TM6SF1: variants seen among roughly 807,000 people sequenced by gnomAD.
The protein encoded by TM6SF1 is transmembrane 6 superfamily member 1.
Under a neutral mutation model 47.1 loss-of-function variants are expected in TM6SF1, and 43 were observed. The ratio of observed to expected loss-of-function variants is 0.91; its 90% confidence interval spans 0.72 to 1.18. TM6SF1 has a LOEUF of 1.18. TM6SF1 is among the 50% of genes most tolerant of loss of function. The pLI is 0.00. For synonymous variants in TM6SF1, 177 were observed against 166.3 expected (o/e 1.06, Z -0.49); for missense variants, 390 against 449.0 (o/e 0.87, Z 1.19).
At chr15:83,129,536 C>T (rs761907920) in intron 9 of TM6SF1, 3 of 152,150 alleles carry the variant, frequency 2.0e-5, no homozygotes, top group African/African-American at 4.8e-5. Context: ...CTCAGTCCAC[C>T]TGAAATTATT....
intron 9 of TM6SF1, chr15:83,129,345 T>C (rs913770601): frequency 6.6e-6 from 1 of 152,234 alleles, no homozygotes; most frequent in African/African-American, 2.4e-5. Context: ...TAATTCTTTT[T>C]TATGCAAAGA....
At chr15:83,110,292 C>A (rs969013787) in intron 1 of TM6SF1, among the ~76,000 whole-genome samples, 3 of 152,082 alleles carry the variant, frequency 2.0e-5, no homozygotes, top group Non-Finnish European at 4.4e-5. Context: ...TTCCCACCCC[C>A]CAAGACTAGC....
chr15:83,122,766 G>C lies in TM6SF1; in HGVS notation c.491G>C (p.Gly164Ala). ...FVPGNIVGKYGTRICPAFFLS... is the reference protein window; with the variant it reads ...FVPGNIVGKYATRICPAFFLS... Reference sequence around the variant, plus strand: ...TCTCTCTTTTAAATAGGGAAGTATGGAACACGAATTTGCCCTGCTTTTTTC... The same window carrying C: ...TCTCTCTTTTAAATAGGGAAGTATGCAACACGAATTTGCCCTGCTTTTTTC... Residue 164 changes from glycine (G) to alanine (A), a missense_variant, in exon 6 of 10, where the codon GGA (glycine) becomes GCA (alanine). Transcript: ENST00000322019. The C allele has an allele frequency of 6.2e-7, 1 of 1,613,792 alleles. No homozygotes were observed.
chr15:83,124,540 G>A, intron 6 of TM6SF1, 132 bp from the exon 7 acceptor site: 1 of 660,464 alleles, frequency 1.5e-6, no homozygotes. Flanking sequence ...AAAGTTCCAT[G>A]GCCAGTGATT....
chr15:83,135,419 CTT>C (rs2151388877), intron 9 of TM6SF1: 1 of 152,288 alleles, frequency 6.6e-6, no homozygotes, highest in Admixed American at 6.5e-5. Flanking sequence ...TCTTTTGTCT[CTT>C]TGATCCTGAT....
intron 9 of TM6SF1, chr15:83,133,064 C>T (rs550451644): frequency 1.3e-5 from 2 of 152,210 alleles, no homozygotes; most frequent in African/African-American, 2.4e-5. Context: ...ACAAACATCA[C>T]CTCACTGAAC....
intron 7 of TM6SF1, among the ~76,000 whole-genome samples, chr15:83,125,444 C>A (rs1015752427): frequency 6.6e-6 from 1 of 152,180 alleles, no homozygotes; most frequent in Non-Finnish European, 1.5e-5. Flanking sequence ...AACTACTTAA[C>A]CTCTTGGACT....
chr15:83,136,463 T>C lies in TM6SF1; in HGVS notation c.922-18T>C. On this transcript the variant is annotated intron_variant, in intron 9 of 9. Transcript: ENST00000322019. The stretch of plus-strand genomic sequence containing the variant: ...CACGTTTCATGCTTACTCAATTTTT[T>C]TTTTTTAAATGCAACAGGCTCAGTT... 1.3e-6 allele frequency: 2 copies of C among 1,566,616 alleles called. No individual in the cohort carries two copies. The highest frequency in any genetic ancestry group is 1.7e-6 in the Non-Finnish European group (2 of 1,162,876).
intron 4 of TM6SF1, among the ~76,000 whole-genome samples, chr15:83,121,346 T>G (rs1247515680): frequency 6.6e-6 from 1 of 151,756 alleles, no homozygotes; most frequent in African/African-American, 2.4e-5. Flanking sequence ...CTTCTCAAAG[T>G]GCTGGGATTA....
At position 83,115,777 on chromosome 15, in the gene TM6SF1, T is replaced by A. The variant is rs1243295824; in HGVS notation, c.197-68T>A. On this transcript the variant is annotated intron_variant, in intron 2 of 9. Coordinates refer to ENST00000322019, the MANE Select transcript of TM6SF1 (RefSeq NM_023003.5). ...TGAAAAACATTCCATTATTATTAGC[T>A]GATGCCAAGCTTGTAGTAATTGTCT... is the stretch of plus-strand genomic sequence containing the variant. 5 of 1,024,872 alleles carry A rather than the reference T, an allele frequency of 4.9e-6. No homozygotes were observed. The African/African-American group carries it at 7.8e-5, about 16-fold the overall frequency. 63.5% of individuals were successfully genotyped at this position (1,024,872 alleles called of 1,614,324 possible). A position where few individuals can be genotyped will look rare whatever the true frequency, so the allele number is the denominator to read the frequency against.
rs1567162314 is a variant in TM6SF1, at chr15:83,136,623, A to G, written c.1064A>G (p.Tyr355Cys). The change falls in exon 10 of 10, where the codon TAC becomes TGC. Residue 355 changes from tyrosine (Y) to cysteine (C), a missense_variant. Coordinates refer to ENST00000322019, the MANE Select transcript of TM6SF1 (RefSeq NM_023003.5). ...CAGCTCTTGGCCTATCGTTGTATCT[A>G]CAAACCAGAGTTCTTCATAAAAACA... ...LPQLLAYRCI[Y>C]KPEFFIKTKA... 2 of 1,610,886 alleles carry G rather than the reference A, an allele frequency of 1.2e-6. No homozygotes were observed. The highest frequency in any genetic ancestry group is 1.7e-6 in the Non-Finnish European group (2 of 1,179,234).
intron 4 of TM6SF1, 53 bp downstream of exon 4, chr15:83,119,734 G>A: frequency 1.2e-6 from 2 of 1,610,444 alleles, no homozygotes; most frequent in East Asian, 2.2e-5. Context: ...CCGATAAGCG[G>A]GTATGTAAGG....
chr15:83,107,922 A>C lies in TM6SF1; in HGVS notation c.92+150A>C, dbSNP rs536362928. On this transcript the variant is annotated intron_variant, in intron 1 of 9. Transcript: ENST00000322019. The surrounding 1 kb of genome is among the most constrained non-coding windows in gnomAD (Gnocchi z 5.6). ...GCAGGGGCTCCCCGCGCCTGGCCAGACTAGGGGGGCGCCCCAGGGGTCGCA... is the reference window on the plus strand; with the variant it reads ...GCAGGGGCTCCCCGCGCCTGGCCAGCCTAGGGGGGCGCCCCAGGGGTCGCA... 1 of 1,290,572 alleles carries C rather than the reference A, an allele frequency of 7.7e-7. No homozygotes were observed. The highest frequency in any genetic ancestry group is 1.6e-5 in the African/African-American group (1 of 64,064). 79.9% of individuals were successfully genotyped at this position (1,290,572 alleles called of 1,614,324 possible). A position where few individuals can be genotyped will look rare whatever the true frequency, so the allele number is the denominator to read the frequency against.
Position 83,112,855 on chromosome 15 carries a change from C to T in TM6SF1, c.151C>T (p.Arg51Cys), listed in dbSNP as rs149678759. The T allele has an allele frequency of 9.9e-5, 160 of 1,614,128 alleles. No individual in the cohort carries two copies. The African/African-American group carries it at 1.8e-3, about 18-fold the overall frequency. The change falls in exon 2 of 10, where the codon CGT (arginine) becomes TGT (cysteine). Residue 51 changes from arginine to cysteine, a missense_variant. By Grantham distance (180) the Arg-to-Cys change is radical. Transcript: ENST00000322019. ...LILFLVALLA[R>C]VLVKRKPPRD... Reference sequence around the variant, plus strand: ...CCTGTTCCTGGTAGCACTGCTGGCTCGTGTCCTCGTCAAAAGAAAACCACC... The same window carrying T: ...CCTGTTCCTGGTAGCACTGCTGGCTTGTGTCCTCGTCAAAAGAAAACCACC...
intron 5 of TM6SF1, 146 bp downstream of exon 5, chr15:83,122,149 C>T (rs1352787631): frequency 2.8e-6 from 2 of 722,200 alleles, no homozygotes; most frequent in Non-Finnish European, 4.6e-6. Flanking sequence ...CTTTTTCTCA[C>T]CTTTAAAAAA....
rs769614975 is a variant in TM6SF1 at position 83,136,471 on chromosome 15, A to G, written c.922-10A>G. 1.9e-6 allele frequency: 3 copies of G among 1,567,218 alleles called. No individual in the cohort carries two copies. The highest frequency in any genetic ancestry group is 4.5e-5 in the East Asian group (2 of 44,486). ...ATGCTTACTCAATTTTTTTTTTTTA[A>G]ATGCAACAGGCTCAGTTTTCTCACA... On this transcript the variant is annotated splice_polypyrimidine_tract_variant and intron_variant, in intron 9 of 9. Coordinates refer to ENST00000322019, the MANE Select transcript of TM6SF1 (RefSeq NM_023003.5).
chr15:83,115,381 G>C (rs1041937338), intron 2 of TM6SF1: 1 of 305,636 alleles, frequency 3.3e-6, no homozygotes, highest in African/African-American at 2.2e-5. Context: ...GCCTCCCAAA[G>C]TGCTGGGATT....
chr15:83,116,642 G>A (rs2034684797), intron 3 of TM6SF1, among the ~76,000 whole-genome samples: 1 of 152,224 alleles, frequency 6.6e-6, no homozygotes, highest in Admixed American at 6.5e-5. Flanking sequence ...GGAAGGATGG[G>A]CTTGCAGGGA....
intron 9 of TM6SF1, chr15:83,129,536 C>G (rs761907920): frequency 6.6e-6 from 1 of 152,150 alleles, no homozygotes; most frequent in Non-Finnish European, 1.5e-5. Context: ...CTCAGTCCAC[C>G]TGAAATTATT....
Sources: gnomAD v4.1 joint callset for allele counts (sites outside exome capture counted in the v4.1 genomes callset) on GRCh38, gnomAD v4.1.1 for gene constraint, Gnocchi (gnomAD v3.1) non-coding constraint, MANE v1.5 for transcripts, NCBI Gene and HGNC (gene_info 2026-07-23, HGNC 2026-07-21) for gene names.